Variants in TANGO6 observed in about 807,000 individuals in gnomAD.
TANGO6 encodes the protein transport and golgi organization 6 homolog.
Under a neutral mutation model 114.2 loss-of-function variants are expected in TANGO6, and 90 were observed. The observed-to-expected ratio is 0.79, with a 90% CI of 0.66 to 0.94. The LOEUF is 0.94. TANGO6 is among the 40% of genes least tolerant of loss of function. The probability of loss-of-function intolerance (pLI) is 0.00; values close to 1 mark genes in which losing one functional copy is unlikely to be tolerated. For missense variants in TANGO6, 1,274 were observed against 1,315.3 expected, an observed-to-expected ratio of 0.97 and a Z score of 0.49; for synonymous variants, 477 against 509.8, an observed-to-expected ratio of 0.94 and a Z score of 0.87.
rs903233862 is a variant in TANGO6, at chr16:69,071,195, C to T, written c.3109-12290C>T. Among the ~76,000 whole-genome samples, 65 of 152,170 alleles carry T rather than the reference C, an allele frequency of 4.3e-4. 1 individual carries two copies. Among genetic ancestry groups the T allele is most frequent in the African/African-American group, 1.4e-3 (60 of 41,440 alleles). On this transcript the variant is annotated intron_variant, in intron 17 of 17. Coordinates refer to ENST00000261778, the MANE Select transcript of TANGO6 (RefSeq NM_024562.2). Reference sequence around the variant, plus strand: ...AATCTATTCCCTTAACCATAAACACCTAGAAGTTAGGAATGCCTAACTTCT... The same window carrying T: ...AATCTATTCCCTTAACCATAAACACTTAGAAGTTAGGAATGCCTAACTTCT...
intron 7 of TANGO6, among the ~76,000 whole-genome samples, chr16:68,889,256 A>T (rs1295193450): frequency 6.6e-6 from 1 of 152,208 alleles, no homozygotes; most frequent in African/African-American, 2.4e-5. Context: ...TTAATGCCTC[A>T]GTATCATCCA....
At chr16:68,931,879 G>A (rs1963244281) in intron 14 of TANGO6, among the ~76,000 whole-genome samples, 1 of 151,990 alleles carries the variant, frequency 6.6e-6, no homozygotes, top group African/African-American at 2.4e-5. Flanking sequence ...TTTTAAGATG[G>A]AGTCTCACTC....
intron 14 of TANGO6, among the ~76,000 whole-genome samples, chr16:68,957,679 G>A (rs544023648): frequency 5.3e-5 from 8 of 151,876 alleles, no homozygotes; most frequent in Non-Finnish European, 1.2e-4. Context: ...GATTACAGGC[G>A]TGAGTCACCA....
chr16:68,918,986 T>G (rs1222656196), intron 11 of TANGO6, 99 bp from the exon 12 acceptor site: 2 of 1,390,852 alleles, frequency 1.4e-6, no homozygotes, highest in African/African-American at 2.9e-5. Flanking sequence ...GCTATCATGA[T>G]GTAGATGAAG....
intron 15 of TANGO6, among the ~76,000 whole-genome samples, chr16:69,001,741 T>C (rs1964045619): frequency 6.6e-6 from 1 of 152,208 alleles, no homozygotes; most frequent in African/African-American, 2.4e-5. Flanking sequence ...TTACCATGCA[T>C]TTCACTGCAA....
At chr16:69,029,084 T>G (rs1444770954) in intron 16 of TANGO6, among the ~76,000 whole-genome samples, 1 of 152,194 alleles carries the variant, frequency 6.6e-6, no homozygotes, top group Non-Finnish European at 1.5e-5. Context: ...AAGGAAATTG[T>G]AGCATGCTAG....
At chr16:68,845,575 C>T (rs560114474) in intron 1 of TANGO6, among the ~76,000 whole-genome samples, 6 of 152,132 alleles carry the variant, frequency 3.9e-5, no homozygotes, top group South Asian at 2.1e-4. Context: ...AGTGGCTGGG[C>T]GAGGTGGGCC....
chr16:68,934,315 G>A (rs1338857703), intron 14 of TANGO6, among the ~76,000 whole-genome samples: 2 of 152,092 alleles, frequency 1.3e-5, no homozygotes, highest in Admixed American at 1.3e-4. Context: ...AAAGTGCTGG[G>A]ATTGCAGGCA....
intron 3 of TANGO6, among the ~76,000 whole-genome samples, chr16:68,864,606 C>A (rs1001713935): frequency 6.6e-6 from 1 of 151,794 alleles, no homozygotes; most frequent in Non-Finnish European, 1.5e-5. Context: ...AGAAAAAGAG[C>A]GAGAAGCCAA....
intron 15 of TANGO6, among the ~76,000 whole-genome samples, chr16:69,006,740 G>T (rs1964095060): frequency 6.6e-6 from 1 of 152,150 alleles, no homozygotes; most frequent in Admixed American, 6.6e-5. Flanking sequence ...AACAGAGCGA[G>T]ACTCTGTCTC....
chr16:68,988,407 C>G (rs904709894), intron 15 of TANGO6, among the ~76,000 whole-genome samples: 1 of 152,216 alleles, frequency 6.6e-6, no homozygotes, highest in Admixed American at 6.5e-5. Context: ...GCTCCTCCCC[C>G]ACTAACAGAT....
In TANGO6 at chr16:69,020,373, C is replaced by T. The variant is rs1312012895; in HGVS notation, c.2843-2455C>T. ...CAGAGATGAAGGAGTCAAAGTTCTA[C>T]CCTCAAGGAATTTATAGTCTTATGG... On this transcript the variant is annotated intron_variant, in intron 15 of 17. Transcript: ENST00000261778. Among the ~76,000 whole-genome samples, 5 of 152,304 alleles carry T rather than the reference C, an allele frequency of 3.3e-5. 1 individual carries two copies. The Middle Eastern group carries it at 0.01, about 313-fold the overall frequency.
intron 12 of TANGO6, among the ~76,000 whole-genome samples, chr16:68,924,554 G>A (rs2036997741): frequency 1.3e-5 from 2 of 151,962 alleles, no homozygotes; most frequent in Admixed American, 1.3e-4. Flanking sequence ...TTGGGAGGCT[G>A]AGGTGGGAAG....
At chr16:68,854,446 A>G (rs1466530361) in intron 1 of TANGO6, among the ~76,000 whole-genome samples, 2 of 152,160 alleles carry the variant, frequency 1.3e-5, no homozygotes, top group Non-Finnish European at 2.9e-5. Context: ...CCCTGTTGCA[A>G]AAAAAGAAAA....
At chr16:68,923,961 G>A (rs1214358268) in intron 12 of TANGO6, among the ~76,000 whole-genome samples, 3 of 152,160 alleles carry the variant, frequency 2.0e-5, no homozygotes, top group Admixed American at 1.3e-4. Context: ...GTTATCAGGG[G>A]CAAAGGAGAG....
At chr16:68,979,146 C>T (rs1272801753) in intron 15 of TANGO6, among the ~76,000 whole-genome samples, 1 of 151,906 alleles carries the variant, frequency 6.6e-6, no homozygotes, top group African/African-American at 2.4e-5. Context: ...ATCCCGACCC[C>T]CTGGGCTCAA....
chr16:68,887,704 C>A (rs1483511377), intron 7 of TANGO6, among the ~76,000 whole-genome samples: 1 of 152,106 alleles, frequency 6.6e-6, no homozygotes, highest in Non-Finnish European at 1.5e-5. Flanking sequence ...TGGTGAAACC[C>A]TGTTTCTACT....
At chr16:68,968,019 G>C (rs1329357988) in intron 14 of TANGO6, among the ~76,000 whole-genome samples, 1 of 151,900 alleles carries the variant, frequency 6.6e-6, no homozygotes, top group Non-Finnish European at 1.5e-5. Context: ...AAAAAAAACA[G>C]TTATTTTACA....
At chr16:69,015,663 A>G (rs969486121) in intron 15 of TANGO6, among the ~76,000 whole-genome samples, 1 of 151,656 alleles carries the variant, frequency 6.6e-6, no homozygotes, top group South Asian at 2.1e-4. Context: ...TTGTATTTTT[A>G]ATAGAGACCG....
Sources: allele counts gnomAD v4.1 joint callset (sites outside exome capture counted in the v4.1 genomes callset), GRCh38; gene constraint gnomAD v4.1.1; transcripts MANE v1.5; gene names NCBI Gene and HGNC (gene_info 2026-07-23, HGNC 2026-07-21).